MAEL: variants seen among roughly 807,000 people sequenced by gnomAD.
MAEL encodes the protein protein maelstrom homolog.
MAEL carries 46 observed loss-of-function variants against 62.0 expected under a neutral mutation model. The ratio of observed to expected loss-of-function variants is 0.74; its 90% CI spans 0.59 to 0.95. MAEL has a LOEUF of 0.95. Ranked by LOEUF, MAEL falls within the 40% of genes least tolerant of loss-of-function variation. The pLI is 0.00. For synonymous variants in MAEL, 172 were observed against 175.5 expected, an observed-to-expected ratio of 0.98 and a Z score of 0.16; for missense variants, 497 against 526.8, an observed-to-expected ratio of 0.94 and a Z score of 0.55.
intron 1 of MAEL, among the ~76,000 whole-genome samples, chr1:166,983,268 T>A (rs1318295707): frequency 6.6e-6 from 1 of 152,206 alleles, no homozygotes; most frequent in Non-Finnish European, 1.5e-5. Context: ...TTGGTTTTCC[T>A]GCCTTTCTTC....
intron 5 of MAEL, among the ~76,000 whole-genome samples, chr1:166,998,199 G>A (rs1247521857): frequency 6.6e-6 from 1 of 152,010 alleles, no homozygotes; most frequent in African/African-American, 2.4e-5. Context: ...TTTTACATTA[G>A]GTCATTTTGG....
intron 5 of MAEL, among the ~76,000 whole-genome samples, chr1:166,999,082 A>C (rs541156053): frequency 1.3e-5 from 2 of 152,294 alleles, no homozygotes; most frequent in African/African-American, 4.8e-5. Flanking sequence ...AACAATATTG[A>C]AATTAGGTCA....
chr1:167,002,888 C>T (rs1664736301), intron 5 of MAEL, among the ~76,000 whole-genome samples: 1 of 152,166 alleles, frequency 6.6e-6, no homozygotes, highest in South Asian at 2.1e-4. Flanking sequence ...CTCTAAATCT[C>T]CTCTTCCAGA....
At chr1:167,011,775 C>G (rs1385475734) in intron 8 of MAEL, among the ~76,000 whole-genome samples, 1 of 152,184 alleles carries the variant, frequency 6.6e-6, no homozygotes, top group Admixed American at 6.5e-5. Context: ...GCAATGGCAA[C>G]TATTTCTAGA....
At chr1:166,983,026 C>T (rs1412456819) in intron 1 of MAEL, among the ~76,000 whole-genome samples, 1 of 152,164 alleles carries the variant, frequency 6.6e-6, no homozygotes, top group Non-Finnish European at 1.5e-5. Flanking sequence ...CTAACTGTTG[C>T]TATTCCCTTA....
At chr1:167,010,914 T>G (rs1297266146) in intron 8 of MAEL, among the ~76,000 whole-genome samples, 1 of 152,200 alleles carries the variant, frequency 6.6e-6, no homozygotes, top group Non-Finnish European at 1.5e-5. Flanking sequence ...AAGTACAGGT[T>G]CTTTAATGAA....
Position 167,004,202 on chromosome 1 carries a change from T to C in MAEL, c.546T>C (p.Pro182=). 6.2e-7 allele frequency: 1 copy of C among 1,609,954 alleles called. No homozygotes were observed. Among genetic ancestry groups the C allele is most frequent in the Non-Finnish European group, 8.5e-7 (1 of 1,178,146 alleles). The part of the protein sequence containing the change: ...QAASDSSHKI[P]ISNFERGHNQ... Reference sequence around the variant, plus strand: ...CAGGTGATTCTAGTCACAAGATTCCTATTTCAAATTTTGAACGTGGGCATA... The same window carrying C: ...CAGGTGATTCTAGTCACAAGATTCCCATTTCAAATTTTGAACGTGGGCATA... Residue 182 remains proline (P), a synonymous_variant, in exon 6 of 12, where the codon CCT becomes CCC. Coordinates refer to ENST00000367872, the MANE Select transcript of MAEL (RefSeq NM_032858.3).
At chr1:167,013,487 GTAA>G (rs1365484348) in intron 8 of MAEL, among the ~76,000 whole-genome samples, 1 of 152,204 alleles carries the variant, frequency 6.6e-6, no homozygotes, top group Non-Finnish European at 1.5e-5. Flanking sequence ...GATTCTGGAT[GTAA>G]TAATTTCATA....
chr1:166,989,776 G>C lies in MAEL; in HGVS notation c.172G>C (p.Ala58Pro). The change falls in exon 2 of 12, where the codon GCT (alanine) becomes CCT (proline). Residue 58 changes from alanine to proline, a missense_variant. By Grantham distance (27) the Ala-to-Pro change is conservative (BLOSUM62 -1). Coordinates refer to ENST00000367872, the MANE Select transcript of MAEL (RefSeq NM_032858.3). ...EEEKEKYAEMAREWRAAQGKD... is the reference protein window; with the variant it reads ...EEEKEKYAEMPREWRAAQGKD... ...AGAAAAGGAGAAATACGCAGAAATGGCTCGAGAATGGAGGGCCGCTCAGGG... is the reference window on the plus strand; with the variant it reads ...AGAAAAGGAGAAATACGCAGAAATGCCTCGAGAATGGAGGGCCGCTCAGGG... 6.2e-7 allele frequency: 1 copy of C among 1,613,980 alleles called. No individual in the cohort carries two copies. The highest frequency in any genetic ancestry group is 1.7e-5 in the Admixed American group (1 of 60,014).
At chr1:167,020,956 T>A (rs1665602973) in intron 10 of MAEL, 129 bp from the exon 11 acceptor site, 1 of 737,862 alleles carries the variant, frequency 1.4e-6, no homozygotes, top group African/African-American at 1.8e-5. Flanking sequence ...CAAAAATTGA[T>A]AAGACATTGG....
In MAEL at chr1:167,021,811, ATG is replaced by A; in HGVS notation, c.1263_1264del (p.Met421IlefsTer43). ...SNCDTSLSPY[M>X]SQKDGYKSFS... is the part of the protein sequence containing the mutation. Reference sequence around the variant, plus strand: ...CTGTGACACTTCACTCTCACCTTACATGTCCCAAAAAGATGGATACAAATCTT... The same window carrying A: ...CTGTGACACTTCACTCTCACCTTACATCCCAAAAAGATGGATACAAATCTT... On this transcript the variant is annotated frameshift_variant, in exon 12 of 12. Coordinates refer to ENST00000367872, the MANE Select transcript of MAEL (RefSeq NM_032858.3). LOFTEE classifies it high-confidence loss of function. 6.2e-7 allele frequency: 1 copy of A among 1,611,660 alleles called. No homozygotes were observed. Among genetic ancestry groups the A allele is most frequent in the Non-Finnish European group, 8.5e-7 (1 of 1,178,632 alleles).
chr1:167,005,056 T>G lies in MAEL; in HGVS notation c.649-20T>G. On this transcript the variant is annotated intron_variant, in intron 6 of 11. Coordinates refer to ENST00000367872, the MANE Select transcript of MAEL (RefSeq NM_032858.3). ...ACAAGTAGTTTTTTTGTTTTGTTTT[T>G]TGTTTTTTGCTTTCTCCAGTCTGAT... The G allele has an allele frequency of 6.2e-7, 1 of 1,611,086 alleles. No individual in the cohort carries two copies.
At chr1:167,017,706 A>G (rs1665453890) in intron 9 of MAEL, 121 bp from the exon 10 acceptor site, 2 of 814,518 alleles carry the variant, frequency 2.5e-6, no homozygotes, top group Admixed American at 6.4e-5. Context: ...CTCCAAATTT[A>G]TTTTTTCCCA....
chr1:167,002,430 T>C (rs1156573328), intron 5 of MAEL, among the ~76,000 whole-genome samples: 1 of 152,212 alleles, frequency 6.6e-6, no homozygotes, highest in Non-Finnish European at 1.5e-5. Flanking sequence ...GAGTTGATTT[T>C]ATAGTCTGTT....
intron 8 of MAEL, chr1:167,005,860 T>C (rs1234244165): frequency 3.3e-5 from 5 of 152,426 alleles, no homozygotes; most frequent in African/African-American, 1.2e-4. Context: ...TCTAAATATA[T>C]ATACACTTTT....
intron 10 of MAEL, among the ~76,000 whole-genome samples, chr1:167,018,728 A>G (rs1665498059): frequency 6.6e-6 from 1 of 152,200 alleles, no homozygotes. Context: ...TATGCTGAAC[A>G]AAAGAAGCAG....
In MAEL at chr1:166,989,283, T is replaced by C; in HGVS notation, c.-70T>C. On this transcript the variant is annotated 5_prime_UTR_variant, in exon 1 of 12. Transcript: ENST00000367872. ...TGCGCAGGCGCCTACCTCTGTTACT[T>C]AGGGCGGGAGCCCGGCGAGGGCGCC... is the stretch of plus-strand genomic sequence containing the variant. 1 of 1,542,790 alleles carries C rather than the reference T, an allele frequency of 6.5e-7. No homozygotes were observed. The highest frequency in any genetic ancestry group is 2.4e-5 in the East Asian group (1 of 42,352).
At chr1:167,002,592 A>G (rs549264813) in intron 5 of MAEL, among the ~76,000 whole-genome samples, 1 of 152,312 alleles carries the variant, frequency 6.6e-6, no homozygotes, top group African/African-American at 2.4e-5. Flanking sequence ...AGCATCTCAG[A>G]TTACCCTAAT....
chr1:166,997,916 G>A (rs1458349512), intron 5 of MAEL, among the ~76,000 whole-genome samples: 1 of 152,096 alleles, frequency 6.6e-6, no homozygotes, highest in Admixed American at 6.5e-5. Flanking sequence ...TTTTAACCAT[G>A]TGGATAATCA....
Sources: allele counts gnomAD v4.1 joint callset (sites outside exome capture counted in the v4.1 genomes callset), GRCh38; gene constraint gnomAD v4.1.1; transcripts MANE v1.5; gene names NCBI Gene and HGNC (gene_info 2026-07-23, HGNC 2026-07-21).